Variants in PXDNL observed in about 807,000 individuals in gnomAD.
PXDNL encodes the protein probable oxidoreductase PXDNL.
Under a neutral mutation model 150.8 loss-of-function variants are expected in PXDNL, and 145 were observed. That is an observed-to-expected ratio of 0.96 (90% CI 0.84 to 1.10). The LOEUF is 1.10. PXDNL is among the 50% of genes least tolerant of loss of function. The probability of loss-of-function intolerance (pLI) is 0.00; values close to 1 mark genes in which losing one functional copy is unlikely to be tolerated. For missense variants in PXDNL, 2,087 were observed against 1,873.9 expected, an observed-to-expected ratio of 1.11 and a Z score of -2.10; for synonymous variants, 757 against 725.7, an observed-to-expected ratio of 1.04 and a Z score of -0.69.
intron 1 of PXDNL, among the ~76,000 whole-genome samples, chr8:51,726,912 A>G (rs10100917): frequency 0.97 from 147,485 of 152,280 alleles, 71,597 homozygotes; most frequent in East Asian, 1. Flanking sequence ...AATACTTTAC[A>G]GTTTTAGTAA....
intron 6 of PXDNL, among the ~76,000 whole-genome samples, chr8:51,479,336 A>G (rs770756085): frequency 6.6e-6 from 1 of 152,244 alleles, no homozygotes; most frequent in Non-Finnish European, 1.5e-5. Flanking sequence ...GACTCTAACC[A>G]TAACTGATGT....
intron 3 of PXDNL, among the ~76,000 whole-genome samples, chr8:51,577,382 G>T (rs944585843): frequency 6.6e-6 from 1 of 151,206 alleles, no homozygotes; most frequent in Non-Finnish European, 1.5e-5. Flanking sequence ...ACATATTTAT[G>T]TGTGTATATA....
chr8:51,490,815 T>C (rs1450106100), intron 5 of PXDNL, among the ~76,000 whole-genome samples: 2 of 151,468 alleles, frequency 1.3e-5, no homozygotes, highest in Non-Finnish European at 2.9e-5. Context: ...AGAGTGAAAA[T>C]TGATATCTCC....
chr8:51,641,967 C>A (rs1242139412), intron 2 of PXDNL, among the ~76,000 whole-genome samples: 3 of 152,144 alleles, frequency 2.0e-5, no homozygotes, highest in African/African-American at 7.2e-5. Flanking sequence ...AAATGTCCAA[C>A]AATGATAGAC....
At chr8:51,808,625 G>T (rs2037703282) in intron 1 of PXDNL, among the ~76,000 whole-genome samples, 1 of 152,130 alleles carries the variant, frequency 6.6e-6, no homozygotes, top group Non-Finnish European at 1.5e-5. Flanking sequence ...GCTCCACAAG[G>T]CTTTTAAGCA....
intron 3 of PXDNL, among the ~76,000 whole-genome samples, chr8:51,584,229 G>T (rs1271573043): frequency 2.6e-5 from 4 of 152,168 alleles, no homozygotes; most frequent in Non-Finnish European, 4.4e-5. Context: ...GCTAATGCTT[G>T]TTCTCATTGA....
At chr8:51,655,573 G>A (rs755308399) in intron 1 of PXDNL, among the ~76,000 whole-genome samples, 4 of 152,060 alleles carry the variant, frequency 2.6e-5, no homozygotes, top group Non-Finnish European at 5.9e-5. Context: ...AGAACGAGGC[G>A]CCCCACTCCA....
intron 12 of PXDNL, among the ~76,000 whole-genome samples, chr8:51,438,971 G>GACA (rs1809475688): frequency 6.6e-6 from 1 of 152,182 alleles, no homozygotes. Context: ...CATAAAAACT[G>GACA]TAGAAGATGA....
At chr8:51,494,942 T>C (rs1191152312) in intron 5 of PXDNL, among the ~76,000 whole-genome samples, 3 of 152,132 alleles carry the variant, frequency 2.0e-5, no homozygotes, top group African/African-American at 7.2e-5. Context: ...AATAGACATC[T>C]ACAGAACTCT....
chr8:51,513,784 A>G (rs1201430439), intron 4 of PXDNL, among the ~76,000 whole-genome samples: 2 of 152,200 alleles, frequency 1.3e-5, no homozygotes. Context: ...TTGCTCCACA[A>G]GAGTCTAACC....
chr8:51,515,328 T>C (rs1811512588), intron 4 of PXDNL, among the ~76,000 whole-genome samples: 2 of 152,234 alleles, frequency 1.3e-5, no homozygotes, highest in South Asian at 4.2e-4. Context: ...TGGTCTGTGC[T>C]GCTGTGAGGC....
intron 4 of PXDNL, among the ~76,000 whole-genome samples, chr8:51,514,225 G>C (rs1292787547): frequency 6.6e-6 from 1 of 152,160 alleles, no homozygotes; most frequent in East Asian, 1.9e-4. Flanking sequence ...ACATTTAGAG[G>C]ATAATAGGGA....
intron 7 of PXDNL, among the ~76,000 whole-genome samples, 148 bp downstream of exon 7, chr8:51,474,819 TGGAAA>T (rs1810434052): frequency 6.6e-6 from 1 of 152,220 alleles, no homozygotes; most frequent in Admixed American, 6.5e-5. Context: ...ATGCAGATGA[TGGAAA>T]GGAAATTGGC....
In PXDNL at chr8:51,449,066, A is replaced by T; in HGVS notation, c.1302T>A (p.His434Gln). 6.4e-7 allele frequency: 1 copy of T among 1,553,358 alleles called. No homozygotes were observed. Among genetic ancestry groups the T allele is most frequent in the Non-Finnish European group, 8.7e-7 (1 of 1,147,826 alleles). ...CAGCTTCACAGAGCCACTCTACAGC[A>T]TGTTCTTCCAGCACCACTTGATCCT... Reference protein sequence around the residue: ...TPKDQVVLEEHAVEWLCEADG... With the variant: ...TPKDQVVLEEQAVEWLCEADG... The change falls in exon 11 of 23, where the codon CAT (histidine) becomes CAA (glutamine). Residue 434 changes from histidine to glutamine, a missense_variant. His to Gln is a conservative substitution (Grantham distance 24). Coordinates refer to ENST00000356297, the MANE Select transcript of PXDNL (RefSeq NM_144651.5).
At chr8:51,765,907 G>A (rs1402711793) in intron 1 of PXDNL, among the ~76,000 whole-genome samples, 6 of 150,606 alleles carry the variant, frequency 4.0e-5, no homozygotes, top group Non-Finnish European at 7.4e-5. Flanking sequence ...GCAGTGGTGC[G>A]ATTTCAGCTC....
chr8:51,664,366 C>T (rs1386483351), intron 1 of PXDNL, among the ~76,000 whole-genome samples: 1 of 152,108 alleles, frequency 6.6e-6, no homozygotes, highest in Non-Finnish European at 1.5e-5. Context: ...TTTAACTTTT[C>T]AAATGAATTA....
intron 4 of PXDNL, among the ~76,000 whole-genome samples, chr8:51,500,024 A>G (rs577405015): frequency 3.3e-5 from 5 of 152,296 alleles, no homozygotes; most frequent in African/African-American, 1.2e-4. Context: ...CCCTTTTCCC[A>G]GGGAGCCTCT....
chr8:51,754,313 T>C (rs1190255261), intron 1 of PXDNL, among the ~76,000 whole-genome samples: 3 of 151,852 alleles, frequency 2.0e-5, no homozygotes, highest in Non-Finnish European at 2.9e-5. Flanking sequence ...GGAAGTGTGG[T>C]TTTATGTGCC....
chr8:51,347,259 A>T (rs529743080), intron 19 of PXDNL, among the ~76,000 whole-genome samples: 4 of 152,216 alleles, frequency 2.6e-5, no homozygotes, highest in Non-Finnish European at 5.9e-5. Context: ...TCACCTTATC[A>T]TATGTAAATT....
Sources: allele counts gnomAD v4.1 joint callset (sites outside exome capture counted in the v4.1 genomes callset), GRCh38; gene constraint gnomAD v4.1.1; transcripts MANE v1.5; gene names NCBI Gene and HGNC (gene_info 2026-07-23, HGNC 2026-07-21).